The following RFXANK variants were observed in gnomAD, a reference collection of about 807,000 sequenced individuals.
The protein encoded by RFXANK is DNA-binding protein RFXANK.
Under a neutral mutation model 34.5 loss-of-function variants are expected in RFXANK, and 19 were observed. The ratio of observed to expected loss-of-function variants is 0.55; its 90% CI spans 0.38 to 0.81. The LOEUF is 0.81. Ranked by LOEUF, RFXANK falls within the 30% of genes least tolerant of loss-of-function variation. The pLI, the probability that RFXANK is intolerant of heterozygous loss-of-function variation, is 0.00. For missense variants in RFXANK, 295 were observed against 343.5 expected, an observed-to-expected ratio of 0.86 and a Z score of 1.12; for synonymous variants, 154 against 149.8, an observed-to-expected ratio of 1.03 and a Z score of -0.20.
chr19:19,192,376 G>GAGAA lies in RFXANK; in HGVS notation c.-328_-327insAGAA. On this transcript the variant is annotated 5_prime_UTR_variant, in exon 1 of 10. Transcript: ENST00000303088. ...GGTGGAGCGACACCCAGGCAGGAGA[G>GAGAA]GGGGAAGAACTCTCTCCCTTTCTGA... 4 of 580,154 alleles carry GAGAA rather than the reference G, an allele frequency of 6.9e-6. No homozygotes were observed. The highest frequency in any genetic ancestry group is 1.2e-5 in the Non-Finnish European group (4 of 324,812). 35.9% of individuals were successfully genotyped at this position (580,154 alleles called of 1,614,324 possible).
intron 4 of RFXANK, 34 bp from the exon 5 acceptor site, chr19:19,197,152 G>T: frequency 1.2e-6 from 2 of 1,613,604 alleles, no homozygotes; most frequent in Non-Finnish European, 1.7e-6. Context: ...GAAGCAAGGG[G>T]ATGAGTGAGG....
chr19:19,198,815 T>C (rs1472406372), intron 8 of RFXANK, 92 bp downstream of exon 8: 7 of 1,310,328 alleles, frequency 5.3e-6, no homozygotes, highest in Non-Finnish European at 7.7e-6. Flanking sequence ...AAGTGTTGCT[T>C]GAAGAGTTCT....
At chr19:19,194,939 C>T (rs1458823022) in intron 3 of RFXANK, among the ~76,000 whole-genome samples, 4 of 152,026 alleles carry the variant, frequency 2.6e-5, no homozygotes, top group Admixed American at 6.6e-5. Flanking sequence ...AATTTAGTTC[C>T]CTCCCACGAC....
In RFXANK at chr19:19,192,464, A is replaced by T. The variant is rs73922821; in HGVS notation, c.-240A>T. ...CCACGCATTACCCACTCGGGCCGCA[A>T]AAACTCCCTTCTTTAGCCCTCTGCC... is the stretch of plus-strand genomic sequence containing the variant. On this transcript the variant is annotated 5_prime_UTR_variant, in exon 1 of 10. Transcript: ENST00000303088. The T allele has an allele frequency of 0.019, 7,114 of 375,120 alleles. 468 individuals carry two copies. The highest frequency in any genetic ancestry group is 0.13 in the African/African-American group (6,423 of 47,952). 23.2% of individuals were successfully genotyped at this position (375,120 alleles called of 1,614,324 possible). A position where few individuals can be genotyped will look rare whatever the true frequency, so the allele number is the denominator to read the frequency against.
At chr19:19,194,393 C>T (rs2060559682) in intron 3 of RFXANK, among the ~76,000 whole-genome samples, 1 of 152,160 alleles carries the variant, frequency 6.6e-6, no homozygotes, top group African/African-American at 2.4e-5. Context: ...CCACTACGCC[C>T]AGCTAATTTT....
chr19:19,194,160 C>T, intron 3 of RFXANK, 27 bp downstream of exon 3: 1 of 1,607,288 alleles, frequency 6.2e-7, no homozygotes, highest in South Asian at 1.1e-5. Flanking sequence ...GGGATTAGCC[C>T]TCTGGGATTC....
chr19:19,201,425 A>C, intron 9 of RFXANK: 1 of 1,482,330 alleles, frequency 6.7e-7, no homozygotes, highest in African/African-American at 1.4e-5. Context: ...TTGGTAGGAA[A>C]TATTTTTATA....
intron 6 of RFXANK, 93 bp from the exon 7 acceptor site, chr19:19,198,012 CAA>C (rs368350482): frequency 0.014 from 18,402 of 1,302,942 alleles, no homozygotes; most frequent in Middle Eastern, 0.017. Context: ...ACTCTATCTC[CAA>C]AAAAAAAAAA....
At chr19:19,197,665 C>G in intron 6 of RFXANK, 44 bp downstream of exon 6, 1 of 1,570,790 alleles carries the variant, frequency 6.4e-7, no homozygotes, top group Non-Finnish European at 8.7e-7. Flanking sequence ...TCCCGGGGGC[C>G]TTAGGGTGGG....
At chr19:19,198,760 C>G (rs2060645789) in intron 8 of RFXANK, 37 bp downstream of exon 8, 3 of 1,604,352 alleles carry the variant, frequency 1.9e-6, no homozygotes, top group Non-Finnish European at 1.7e-6. Context: ...GGGGCCCCAG[C>G]ACTCCAGCGG....
chr19:19,199,693 C>A (rs60103595), intron 9 of RFXANK, among the ~76,000 whole-genome samples: 4,207 of 152,162 alleles, frequency 0.028, 195 homozygotes, highest in African/African-American at 0.096. Context: ...GGAGGCCTGG[C>A]AGTGAGGACA....
At chr19:19,198,823 T>C (rs2060647181) in intron 8 of RFXANK, 100 bp downstream of exon 8, 1 of 1,246,920 alleles carries the variant, frequency 8.0e-7, no homozygotes, top group South Asian at 1.2e-5. Flanking sequence ...CTTGAAGAGT[T>C]CTTGGAGCAG....
chr19:19,194,187 C>A, intron 3 of RFXANK, 54 bp downstream of exon 3: 1 of 1,544,824 alleles, frequency 6.5e-7, no homozygotes, highest in Non-Finnish European at 8.9e-7. Context: ...GATGGAATGT[C>A]AGGCCTCACA....
chr19:19,201,734 G>C lies in RFXANK; in HGVS notation c.*15G>C, dbSNP rs772784245. On this transcript the variant is annotated 3_prime_UTR_variant, in exon 10 of 10. Transcript: ENST00000303088. ...ACCCTGAGTGAAGGCCGCCTGCCGGGGACTCAGACACTCAGGGAACAAAAT... is the reference window on the plus strand; with the variant it reads ...ACCCTGAGTGAAGGCCGCCTGCCGGCGACTCAGACACTCAGGGAACAAAAT... The C allele has an allele frequency of 1.9e-6, 3 of 1,613,828 alleles. No individual in the cohort carries two copies.
At position 19,201,663 on chromosome 19, in the gene RFXANK, G is replaced by C; in HGVS notation, c.727G>C (p.Glu243Gln). Residue 243 changes from glutamate (E) to glutamine (Q), a missense_variant, in exon 10 of 10, where the codon GAG becomes CAG. By Grantham distance (29) the Glu-to-Gln change is conservative. Coordinates refer to ENST00000303088, the MANE Select transcript of RFXANK (RefSeq NM_003721.4). Reference protein sequence around the residue: ...LGYRKVQQVIENHILKLFQSN... With the variant: ...LGYRKVQQVIQNHILKLFQSN... The stretch of plus-strand genomic sequence containing the variant: ...CCCCATCTCAGTGCAACAGGTGATC[G>C]AGAACCACATCCTCAAGCTCTTCCA... The C allele has an allele frequency of 6.2e-7, 1 of 1,614,078 alleles. No homozygotes were observed. Among genetic ancestry groups the C allele is most frequent in the Non-Finnish European group, 8.5e-7 (1 of 1,180,026 alleles).
chr19:19,201,397 A>T, intron 9 of RFXANK: 1 of 1,342,600 alleles, frequency 7.4e-7, no homozygotes, highest in Non-Finnish European at 1.0e-6. Context: ...CATGAAAGTC[A>T]CAATTCACAC....
chr19:19,201,400 A>G, intron 9 of RFXANK: 2 of 1,356,914 alleles, frequency 1.5e-6, no homozygotes, highest in Non-Finnish European at 2.0e-6. Context: ...GAAAGTCACA[A>G]TTCACACATT....
At chr19:19,201,411 T>C (rs1390154061) in intron 9 of RFXANK, 1 of 1,414,896 alleles carries the variant, frequency 7.1e-7, no homozygotes, top group African/African-American at 1.4e-5. Flanking sequence ...TTCACACATT[T>C]TGCTTGGTAG....
intron 3 of RFXANK, among the ~76,000 whole-genome samples, chr19:19,194,591 A>G (rs1242184747): frequency 6.6e-6 from 1 of 151,386 alleles, no homozygotes; most frequent in Non-Finnish European, 1.5e-5. Flanking sequence ...GAGTGCAGTG[A>G]TGCAATCATA....
Sources: gnomAD v4.1 joint callset for allele counts (sites outside exome capture counted in the v4.1 genomes callset) on GRCh38, gnomAD v4.1.1 for gene constraint, MANE v1.5 for transcripts, NCBI Gene and HGNC (gene_info 2026-07-23, HGNC 2026-07-21) for gene names.